PIK3CG: variants seen among roughly 807,000 people sequenced by gnomAD.
PIK3CG encodes the protein phosphatidylinositol-4,5-bisphosphate 3-kinase catalytic subunit gamma, also known as phosphatidylinositol 4,5-bisphosphate 3-kinase catalytic subunit gamma isoform.
In PIK3CG, 55 loss-of-function variants were observed where a neutral mutation model predicts 102.3. That is an observed-to-expected ratio of 0.54 (90% CI 0.43 to 0.67). The LOEUF is 0.67. Among genes scored for constraint, PIK3CG ranks in the 30% least tolerant of loss-of-function variants. The pLI is 0.00. For missense variants in PIK3CG, 1,258 were observed against 1,391.8 expected, an observed-to-expected ratio of 0.90 and a Z score of 1.53; for synonymous variants, 552 against 540.0, an observed-to-expected ratio of 1.02 and a Z score of -0.31.
chr7:106,867,815 C>A lies in PIK3CG; in HGVS notation c.254C>A (p.Ala85Glu), dbSNP rs752055614. ...WLRALETSVA[A>E]DFYHRLGPHH... Reference sequence around the variant, plus strand: ...CGAGCGCTGGAGACCAGCGTGGCGGCGGACTTCTACCACCGGCTGGGACCG... The same window carrying A: ...CGAGCGCTGGAGACCAGCGTGGCGGAGGACTTCTACCACCGGCTGGGACCG... Residue 85 changes from alanine (A) to glutamate (E), a missense_variant, in exon 2 of 11, where the codon GCG becomes GAG. Physicochemically the swap from Ala to Glu is moderately radical, Grantham distance 107. Transcript: ENST00000496166. This position sits in a 1 kb window ranked among gnomAD's most constrained non-coding sequence, Gnocchi z 5.1. 1 of 1,612,252 alleles carries A rather than the reference C, an allele frequency of 6.2e-7. No homozygotes were observed. Among genetic ancestry groups the A allele is most frequent in the Non-Finnish European group, 8.5e-7 (1 of 1,179,952 alleles).
Position 106,869,286 on chromosome 7 carries a change from C to T in PIK3CG, c.1725C>T (p.Leu575=), listed in dbSNP as rs2116462149. The T allele has an allele frequency of 6.2e-7, 1 of 1,614,218 alleles. No individual in the cohort carries two copies. The highest frequency in any genetic ancestry group is 8.5e-7 in the Non-Finnish European group (1 of 1,180,040). ...TCACAGCAGAGGACAAAGAATTGCT[C>T]TGGCATTTTAGATACGAAAGCCTTA... The part of the protein sequence containing the change: ...NPLTAEDKEL[L]WHFRYESLKH... The change falls in exon 2 of 11, where the codon CTC becomes CTT. Residue 575 remains leucine, a synonymous_variant. Coordinates refer to ENST00000496166, the MANE Select transcript of PIK3CG (RefSeq NM_001282426.2). The surrounding 1 kb of genome is among the most constrained non-coding windows in gnomAD (Gnocchi z 5.3).
intron 10 of PIK3CG, among the ~76,000 whole-genome samples, chr7:106,896,653 C>G (rs1366663166): frequency 2.0e-5 from 3 of 152,090 alleles, no homozygotes; most frequent in South Asian, 2.1e-4. Context: ...GATGGCTGGG[C>G]AGCAGCAGCA....
rs768114937 is a variant in PIK3CG, at chr7:106,867,904, G to T, written c.343G>T (p.Val115Leu). The T allele has an allele frequency of 6.2e-7, 1 of 1,613,298 alleles. No individual in the cohort carries two copies. The highest frequency in any genetic ancestry group is 8.5e-7 in the Non-Finnish European group (1 of 1,179,974). Residue 115 changes from valine to leucine, a missense_variant, in exon 2 of 11, where the codon GTG becomes TTG. Val to Leu is a conservative substitution (Grantham distance 32, BLOSUM62 1). Transcript: ENST00000496166. This position sits in a 1 kb window ranked among gnomAD's most constrained non-coding sequence, Gnocchi z 5.1. The stretch of plus-strand genomic sequence containing the variant: ...GTACGAGATCTACGACAAGTACCAG[G>T]TGGTGCAGACTCTGGACTGCCTGCG... ...QWYEIYDKYQ[V>L]VQTLDCLRYW...
rs1743156704 is a variant in PIK3CG, at chr7:106,882,837, C to T, written c.2630-196C>T. 1.9e-5 allele frequency: 9 copies of T among 485,370 alleles called. No individual in the cohort carries two copies. In the South Asian group the frequency reaches 3.7e-4, roughly 20 times the overall value. 30.1% of individuals were successfully genotyped at this position (485,370 alleles called of 1,614,324 possible). On this transcript the variant is annotated intron_variant, in intron 7 of 10. Coordinates refer to ENST00000496166, the MANE Select transcript of PIK3CG (RefSeq NM_001282426.2). ...TGGGATATTGAAAACATATCCCACA[C>T]AACTTCCATATCCTCCTTCTTTCCT...
intron 1 of PIK3CG, chr7:106,865,676 A>G (rs1192946215): frequency 1.3e-5 from 2 of 152,216 alleles, no homozygotes; most frequent in Admixed American, 6.5e-5. Context: ...CAGGCTTCAT[A>G]TTCCTACAAG....
In PIK3CG at chr7:106,874,671, TA is replaced by T. The variant is rs1267363852; in HGVS notation, c.2288-27del. The T allele has an allele frequency of 7.3e-7, 1 of 1,365,082 alleles. No homozygotes were observed. Among genetic ancestry groups the T allele is most frequent in the Non-Finnish European group, 1.0e-6 (1 of 954,698 alleles). The allele number at this position is 1,365,082 out of a possible 1,614,324, so 84.6% of individuals were successfully genotyped here. A position where few individuals can be genotyped will look rare whatever the true frequency, so the allele number is the denominator to read the frequency against. On this transcript the variant is annotated intron_variant, in intron 4 of 10. Transcript: ENST00000496166. This position sits in a 1 kb window ranked among gnomAD's most constrained non-coding sequence, Gnocchi z 4.3. ...ATATTGATGATTTCTGGAACTCACA[TA>T]ACTCTTGTGTACTTTTGACAATTAC...
chr7:106,870,571 G>A (rs529565290), intron 2 of PIK3CG, among the ~76,000 whole-genome samples: 7 of 152,128 alleles, frequency 4.6e-5, no homozygotes, highest in African/African-American at 1.2e-4. Flanking sequence ...AAACTATACC[G>A]TATTATGAGA....
intron 6 of PIK3CG, among the ~76,000 whole-genome samples, chr7:106,881,552 A>G (rs565083938): frequency 2.2e-3 from 332 of 152,304 alleles, no homozygotes; most frequent in Non-Finnish European, 4.1e-3. Context: ...ACCCACTCCA[A>G]AAGAAATGTA....
At chr7:106,889,615 G>A (rs762358464) in intron 10 of PIK3CG, among the ~76,000 whole-genome samples, 14 of 152,266 alleles carry the variant, frequency 9.2e-5, no homozygotes, top group African/African-American at 2.4e-4. Context: ...TACATGCTGC[G>A]TATTTGAATA....
rs1791606779 is a variant in PIK3CG, at chr7:106,903,343, T to C, written c.3031-1766T>C. ...AGTTTAAACACCCAATAAGAATTTGTATTGAAATTTTATGTTTATAGATTA... is the reference window on the plus strand; with the variant it reads ...AGTTTAAACACCCAATAAGAATTTGCATTGAAATTTTATGTTTATAGATTA... On this transcript the variant is annotated intron_variant, in intron 10 of 10. Coordinates refer to ENST00000496166, the MANE Select transcript of PIK3CG (RefSeq NM_001282426.2). This position sits in a 1 kb window ranked among gnomAD's most constrained non-coding sequence, Gnocchi z 4.3. Among the ~76,000 whole-genome samples the C allele has an allele frequency of 6.6e-6, 1 of 152,158 alleles. No individual in the cohort carries two copies.
At position 106,869,174 on chromosome 7, in the gene PIK3CG, C is replaced by A. The variant is rs142822484; in HGVS notation, c.1613C>A (p.Pro538Gln). The A allele has an allele frequency of 1.9e-6, 3 of 1,614,082 alleles. No homozygotes were observed. The highest frequency in any genetic ancestry group is 2.5e-6 in the Non-Finnish European group (3 of 1,180,044). Residue 538 changes from proline (P) to glutamine (Q), a missense_variant, in exon 2 of 11, where the codon CCG (proline) becomes CAG (glutamine). Coordinates refer to ENST00000496166, the MANE Select transcript of PIK3CG (RefSeq NM_001282426.2). This position sits in a 1 kb window ranked among gnomAD's most constrained non-coding sequence, Gnocchi z 5.3. ...CCTAAGCATCAGCCCACCCCTGACC[C>A]GGAAGGGGACCGGGTTCGAGCAGAA... The part of the protein sequence containing the change: ...ALPKHQPTPD[P>Q]EGDRVRAEMP...
At position 106,880,326 on chromosome 7, in the gene PIK3CG, A is replaced by G. The variant is rs971415243; in HGVS notation, c.2538+661A>G. 2.6e-5 allele frequency among the ~76,000 whole-genome samples: 4 copies of G among 152,198 alleles called. No homozygotes were observed. The highest frequency in any genetic ancestry group is 4.4e-5 in the Non-Finnish European group (3 of 68,042). On this transcript the variant is annotated intron_variant, in intron 6 of 10. Transcript: ENST00000496166. The surrounding 1 kb of genome is among the most constrained non-coding windows in gnomAD (Gnocchi z 4.2). ...TCTAATACTTAATATGGTTTATTTG[A>G]AGTAGACAAATTACATTGATTTCAA...
rs1014420472 is a variant in PIK3CG at position 106,872,444 on chromosome 7, G to C, written c.1996-93G>C. 8 of 983,584 alleles carry C rather than the reference G, an allele frequency of 8.1e-6. No individual in the cohort carries two copies. In the African/African-American group the frequency reaches 1.1e-4, roughly 14 times the overall value. 60.9% of individuals were successfully genotyped at this position (983,584 alleles called of 1,614,324 possible). ...TCATCTTTCTAGCCGTGAAGACCCA[G>C]TAAAGCAGAGCACCAGTTCTTCTCC... On this transcript the variant is annotated intron_variant, in intron 2 of 10. Transcript: ENST00000496166. This position sits in a 1 kb window ranked among gnomAD's most constrained non-coding sequence, Gnocchi z 5.3.
intron 5 of PIK3CG, among the ~76,000 whole-genome samples, chr7:106,875,458 G>A (rs1467579354): frequency 6.6e-6 from 1 of 151,600 alleles, no homozygotes; most frequent in East Asian, 1.9e-4. Flanking sequence ...CCATAGACAT[G>A]TTACAGAAAA....
chr7:106,904,079 C>T (rs969351814), intron 10 of PIK3CG, among the ~76,000 whole-genome samples: 4 of 152,018 alleles, frequency 2.6e-5, no homozygotes, highest in African/African-American at 9.7e-5. Flanking sequence ...TGATTTCATA[C>T]TTCACTTCTT....
rs1315018199 is a variant in PIK3CG, at chr7:106,902,735, A to C, written c.3031-2374A>C. On this transcript the variant is annotated intron_variant, in intron 10 of 10. Coordinates refer to ENST00000496166, the MANE Select transcript of PIK3CG (RefSeq NM_001282426.2). This position sits in a 1 kb window ranked among gnomAD's most constrained non-coding sequence, Gnocchi z 4.3. ...TTCTTATTGATTTTTAAGAACTATT[A>C]GGGGGCTGGGGTTGAAAGAGTGATC... Among the ~76,000 whole-genome samples the C allele has an allele frequency of 6.6e-6, 1 of 152,002 alleles. No homozygotes were observed. The highest frequency in any genetic ancestry group is 1.5e-5 in the Non-Finnish European group (1 of 67,994).
In PIK3CG at chr7:106,877,582, C is replaced by T. The variant is rs1233205092; in HGVS notation, c.2392-1937C>T. 6.6e-6 allele frequency among the ~76,000 whole-genome samples: 1 copy of T among 152,000 alleles called. No homozygotes were observed. Among genetic ancestry groups the T allele is most frequent in the Non-Finnish European group, 1.5e-5 (1 of 68,000 alleles). ...GAGTTCATTTTTAAATATGAATATC[C>T]AGATTTTTCAGCACCATGTGTTGAA... On this transcript the variant is annotated intron_variant, in intron 5 of 10. Transcript: ENST00000496166. This position sits in a 1 kb window ranked among gnomAD's most constrained non-coding sequence, Gnocchi z 4.5.
Position 106,891,306 on chromosome 7 carries a change from G to A in PIK3CG, c.3030+5014G>A, listed in dbSNP as rs114802442. Among the ~76,000 whole-genome samples the A allele has an allele frequency of 1.1e-3, 171 of 152,290 alleles. No homozygotes were observed. The highest frequency in any genetic ancestry group is 3.7e-3 in the African/African-American group (153 of 41,558). On this transcript the variant is annotated intron_variant, in intron 10 of 10. Coordinates refer to ENST00000496166, the MANE Select transcript of PIK3CG (RefSeq NM_001282426.2). The surrounding 1 kb of genome is among the most constrained non-coding windows in gnomAD (Gnocchi z 4.4). ...ATTGACAGACCATCATCACATGGAA[G>A]GTAATAAGCCTTCAGGAGGCAGGTT...
chr7:106,874,857 C>T lies in PIK3CG; in HGVS notation c.2391+54C>T, dbSNP rs528745953. 3.8e-5 allele frequency: 45 copies of T among 1,195,926 alleles called. No individual in the cohort carries two copies. In the South Asian group the frequency reaches 4.3e-4, roughly 11 times the overall value. The allele number at this position is 1,195,926 out of a possible 1,614,324, so 74.1% of individuals were successfully genotyped here. Reference sequence around the variant, plus strand: ...GTCTTTATGTCTTGAAGATGTCTAACGTGCTTGCTGGGGCCCAGTACTTAA... The same window carrying T: ...GTCTTTATGTCTTGAAGATGTCTAATGTGCTTGCTGGGGCCCAGTACTTAA... On this transcript the variant is annotated intron_variant, in intron 5 of 10. Transcript: ENST00000496166. The surrounding 1 kb of genome is among the most constrained non-coding windows in gnomAD (Gnocchi z 4.3).
Sources: allele counts gnomAD v4.1 joint callset (sites outside exome capture counted in the v4.1 genomes callset), GRCh38; gene constraint gnomAD v4.1.1; non-coding constraint Gnocchi (gnomAD v3.1); transcripts MANE v1.5; gene names NCBI Gene and HGNC (gene_info 2026-07-23, HGNC 2026-07-21).